Variants in CLASP2 observed in about 807,000 individuals in gnomAD.
The protein encoded by CLASP2 is cytoplasmic linker associated protein 2, also known as CLIP-associating protein 2.
CLASP2 carries 47 observed loss-of-function variants against 194.4 expected under a neutral mutation model. The observed-to-expected ratio is 0.24, with a 90% CI of 0.19 to 0.31. The LOEUF (loss-of-function observed/expected upper bound fraction) is 0.31. Among genes scored for constraint, CLASP2 ranks in the 10% least tolerant of loss-of-function variants. CLASP2 has a pLI of 1.00. For missense variants in CLASP2, 1,445 were observed against 1,823.6 expected, an observed-to-expected ratio of 0.79 and a Z score of 3.78; for synonymous variants, 619 against 633.5, an observed-to-expected ratio of 0.98 and a Z score of 0.34.
At chr3:33,697,959 G>C (rs1226646462) in intron 1 of CLASP2, among the ~76,000 whole-genome samples, 1 of 152,096 alleles carries the variant, frequency 6.6e-6, no homozygotes, top group Non-Finnish European at 1.5e-5. Context: ...AACACAACTA[G>C]CCACAGACAC....
intron 32 of CLASP2, among the ~76,000 whole-genome samples, chr3:33,540,795 C>T (rs564437735): frequency 7.3e-5 from 10 of 137,630 alleles, no homozygotes; most frequent in Admixed American, 1.6e-4. Context: ...TTTTTTGAGA[C>T]GGAGCCTTGC....
intron 19 of CLASP2, among the ~76,000 whole-genome samples, chr3:33,595,764 T>C (rs933724544): frequency 6.6e-6 from 1 of 151,970 alleles, no homozygotes; most frequent in African/African-American, 2.4e-5. Context: ...AGAATATCAA[T>C]ATTAGGATGT....
intron 26 of CLASP2, among the ~76,000 whole-genome samples, chr3:33,570,256 A>T (rs1290907429): frequency 6.6e-6 from 1 of 152,192 alleles, no homozygotes; most frequent in Non-Finnish European, 1.5e-5. Context: ...AATGTCTCTT[A>T]TATTACTACC....
intron 11 of CLASP2, among the ~76,000 whole-genome samples, chr3:33,620,051 C>T (rs1429203028): frequency 1.3e-5 from 2 of 152,212 alleles, no homozygotes; most frequent in Admixed American, 1.3e-4. Flanking sequence ...ATAATCAGCT[C>T]TGATGGTTCT....
intron 8 of CLASP2, among the ~76,000 whole-genome samples, chr3:33,636,601 TTTTG>T (rs1001046803): frequency 2.6e-5 from 4 of 152,106 alleles, no homozygotes; most frequent in South Asian, 2.1e-4. Context: ...GGAAAAAAAT[TTTTG>T]TTTGTTTATT....
intron 5 of CLASP2, among the ~76,000 whole-genome samples, chr3:33,686,307 C>G (rs1484769093): frequency 6.6e-6 from 1 of 152,142 alleles, no homozygotes; most frequent in Non-Finnish European, 1.5e-5. Context: ...CCCCAAGCCC[C>G]AGGCCATGGA....
chr3:33,662,245 T>G (rs1384533342), intron 7 of CLASP2, among the ~76,000 whole-genome samples: 1 of 152,186 alleles, frequency 6.6e-6, no homozygotes, highest in African/African-American at 2.4e-5. Context: ...ACCTTAGATT[T>G]TATAGGTATT....
At chr3:33,712,327 GATAAA>G (rs1188308027) in intron 1 of CLASP2, among the ~76,000 whole-genome samples, 2 of 152,110 alleles carry the variant, frequency 1.3e-5, no homozygotes, top group South Asian at 2.1e-4. Flanking sequence ...GCATAAGAAT[GATAAA>G]ATAAACTTTG....
intron 28 of CLASP2, 120 bp from the exon 29 acceptor site, chr3:33,559,505 A>G: frequency 1.5e-6 from 1 of 646,676 alleles, no homozygotes; most frequent in Admixed American, 2.6e-5. Context: ...ATGAAGTAGT[A>G]TCTGCATGTG....
At chr3:33,692,354 G>C (rs937805282) in intron 2 of CLASP2, among the ~76,000 whole-genome samples, 1 of 152,072 alleles carries the variant, frequency 6.6e-6, no homozygotes, top group African/African-American at 2.4e-5. Context: ...ACTCCAACAA[G>C]AAAATTCAAA....
rs1263769965 is a variant in CLASP2, at chr3:33,510,529, C to T, written c.4317+29G>A. 1.9e-6 allele frequency: 3 copies of T among 1,600,334 alleles called. No homozygotes were observed. The African/African-American group carries it at 4.0e-5, about 21-fold the overall frequency. On this transcript the variant is annotated intron_variant, in intron 37 of 38. Transcript: ENST00000682230. Reference sequence around the variant, plus strand: ...TAACTGTATCCCAAATGTATCATGGCTTATTCCTCTCCAAGCTTTGTTGCT... The same window carrying T: ...TAACTGTATCCCAAATGTATCATGGTTTATTCCTCTCCAAGCTTTGTTGCT...
At chr3:33,699,186 C>T (rs2092190420) in intron 1 of CLASP2, among the ~76,000 whole-genome samples, 1 of 151,678 alleles carries the variant, frequency 6.6e-6, no homozygotes, top group Non-Finnish European at 1.5e-5. Context: ...AATTGAAATA[C>T]AAAAAGGAAC....
At chr3:33,668,855 G>A (rs901579236) in intron 6 of CLASP2, among the ~76,000 whole-genome samples, 2 of 152,150 alleles carry the variant, frequency 1.3e-5, no homozygotes, top group African/African-American at 4.8e-5. Context: ...CACTGCTCTG[G>A]GTCTCAGAGT....
chr3:33,597,756 C>CT (rs558732745), intron 18 of CLASP2, among the ~76,000 whole-genome samples: 27,077 of 137,728 alleles, frequency 0.2, 2,839 homozygotes, highest in Admixed American at 0.32. Flanking sequence ...TCTTTTCTTT[C>CT]TTTTTTTTTT....
At chr3:33,508,139 C>T (rs2048786878) in intron 37 of CLASP2, among the ~76,000 whole-genome samples, 1 of 151,620 alleles carries the variant, frequency 6.6e-6, no homozygotes, top group African/African-American at 2.4e-5. Context: ...GGACCATAGG[C>T]ATGCCACTGT....
chr3:33,573,433 G>A, intron 24 of CLASP2, 79 bp from the exon 25 acceptor site: 1 of 1,430,376 alleles, frequency 7.0e-7, no homozygotes, highest in South Asian at 1.2e-5. Context: ...ACCACAAAAG[G>A]ATTGATTTTT....
At chr3:33,583,176 G>A in intron 22 of CLASP2, among the ~76,000 whole-genome samples, 1 of 152,134 alleles carries the variant, frequency 6.6e-6, no homozygotes, top group East Asian at 1.9e-4. Flanking sequence ...AGAGAGAACT[G>A]AAAAGAAAGT....
intron 27 of CLASP2, among the ~76,000 whole-genome samples, chr3:33,564,299 C>T (rs2062280125): frequency 6.6e-6 from 1 of 152,134 alleles, no homozygotes; most frequent in Non-Finnish European, 1.5e-5. Flanking sequence ...AAGGGAAGAC[C>T]TTCCCTTTAG....
intron 15 of CLASP2, among the ~76,000 whole-genome samples, chr3:33,607,082 T>C (rs1316211317): frequency 1.3e-5 from 2 of 152,198 alleles, no homozygotes; most frequent in East Asian, 1.9e-4. Flanking sequence ...GAAAATAACA[T>C]ATAACAAGTA....
Sources: allele counts gnomAD v4.1 joint callset (sites outside exome capture counted in the v4.1 genomes callset), GRCh38; gene constraint gnomAD v4.1.1; transcripts MANE v1.5; gene names NCBI Gene and HGNC (gene_info 2026-07-23, HGNC 2026-07-21).